PAPLN: variants seen among roughly 807,000 people sequenced by gnomAD.
PAPLN encodes papilin.
In PAPLN, 146 loss-of-function variants were observed where a neutral mutation model predicts 159.0. That is an observed-to-expected ratio of 0.92 (90% CI 0.80 to 1.05). The LOEUF (loss-of-function observed/expected upper bound fraction) is 1.05, where lower values mean the gene tolerates loss of function less well. Among genes scored for constraint, PAPLN ranks in the 50% least tolerant of loss-of-function variants. The probability of loss-of-function intolerance (pLI) is 0.00; values close to 1 mark genes in which losing one functional copy is unlikely to be tolerated. For synonymous variants in PAPLN, 734 were observed against 702.9 expected (o/e 1.04, Z -0.70); for missense variants, 1,720 against 1,743.9 (o/e 0.99, Z 0.24).
Position 73,265,602 on chromosome 14 carries a change from C to T in PAPLN, c.3263+95C>T. On this transcript the variant is annotated intron_variant, in intron 23 of 26. Transcript: ENST00000644200. This position sits in a 1 kb window ranked among gnomAD's most constrained non-coding sequence, Gnocchi z 4.1. ...GGGAAGGGAGCTGCTAGCGCATGGT[C>T]ATGGCCAGTCCTGAGCCGGACTCCA... is the stretch of plus-strand genomic sequence containing the variant. 6.5e-7 allele frequency: 1 copy of T among 1,534,074 alleles called. No individual in the cohort carries two copies. Among genetic ancestry groups the T allele is most frequent in the Non-Finnish European group, 8.8e-7 (1 of 1,135,432 alleles).
chr14:73,257,082 C>T (rs1489024874), intron 14 of PAPLN, among the ~76,000 whole-genome samples: 1 of 152,090 alleles, frequency 6.6e-6, no homozygotes, highest in Non-Finnish European at 1.5e-5. Flanking sequence ...AGGGCTCCTC[C>T]CACATCAGCC....
Position 73,252,061 on chromosome 14 carries a change from ACCTGCC to A in PAPLN, c.893_898del (p.Pro298_Leu299del). The A allele has an allele frequency of 6.2e-7, 1 of 1,611,844 alleles. No homozygotes were observed. The highest frequency in any genetic ancestry group is 8.5e-7 in the Non-Finnish European group (1 of 1,179,474). On this transcript the variant is annotated inframe_deletion, in exon 10 of 27. Transcript: ENST00000644200. ...AACCCCGGTGTGCACTATGAGTACC[ACCTGCC>A]CCTGCGCCGCCCCAGCCCCGGCTTC...
chr14:73,255,397 C>A (rs1163061272), intron 14 of PAPLN, among the ~76,000 whole-genome samples: 1 of 152,196 alleles, frequency 6.6e-6, no homozygotes, highest in East Asian at 1.9e-4. Context: ...TCTTTATACC[C>A]CCATAGAACT....
At chr14:73,268,874 C>A in intron 26 of PAPLN, 151 bp downstream of exon 26, 2 of 933,206 alleles carry the variant, frequency 2.1e-6, no homozygotes, top group Non-Finnish European at 3.1e-6. Flanking sequence ...AAGGGGCTTA[C>A]CTTCCTGAGC....
intron 14 of PAPLN, among the ~76,000 whole-genome samples, chr14:73,257,753 CTTTTTTTTTTTTTTTT>C (rs562890068): frequency 6.6e-5 from 6 of 91,240 alleles, no homozygotes; most frequent in African/African-American, 2.4e-4. Flanking sequence ...TCTCTTTCTT[CTTTTTTTTTTTTTTTT>C]TTTTTTTTTT....
rs1407026173 is a variant in PAPLN at position 73,252,159 on chromosome 14, C to T, written c.967+18C>T. On this transcript the variant is annotated intron_variant, in intron 10 of 26. Coordinates refer to ENST00000644200, the MANE Select transcript of PAPLN (RefSeq NM_001365906.3). ...TGGCGGAGGTGCGGGCGTGGATGGCCCAGGGGAGGGCATGGGCCCTGTGTG... is the reference window on the plus strand; with the variant it reads ...TGGCGGAGGTGCGGGCGTGGATGGCTCAGGGGAGGGCATGGGCCCTGTGTG... 1.9e-6 allele frequency: 3 copies of T among 1,581,120 alleles called. No individual in the cohort carries two copies. In the East Asian group the frequency reaches 6.8e-5, roughly 36 times the overall value.
At position 73,248,247 on chromosome 14, in the gene PAPLN, C is replaced by CTG. The variant is rs1555361205; in HGVS notation, c.335-1736_335-1735insGT. ...TGGCCCAGTGGGAGTCTCATATCCT[C>CTG]TATGTGTGTGTGTGTGTGTGTGTGT... is the stretch of plus-strand genomic sequence containing the variant. On this transcript the variant is annotated intron_variant, in intron 5 of 26. Transcript: ENST00000644200. 1.6e-4 allele frequency among the ~76,000 whole-genome samples: 13 copies of CTG among 80,038 alleles called. 1 individual carries two copies. The highest frequency in any genetic ancestry group is 4.1e-4 in the African/African-American group (9 of 21,718). 52.5% of individuals were successfully genotyped at this position (80,038 alleles called of 152,430 possible).
Position 73,273,589 on chromosome 14 carries a change from C to T in PAPLN, c.*925C>T, listed in dbSNP as rs1383486291. ...AGAGGTGTGAGCCACTGTGCCCAGCCCATCAATGTGTTTTAAAGCTAGCTG... is the reference window on the plus strand; with the variant it reads ...AGAGGTGTGAGCCACTGTGCCCAGCTCATCAATGTGTTTTAAAGCTAGCTG... On this transcript the variant is annotated 3_prime_UTR_variant, in exon 27 of 27. Coordinates refer to ENST00000644200, the MANE Select transcript of PAPLN (RefSeq NM_001365906.3). The T allele has an allele frequency of 2.6e-5, 4 of 152,194 alleles. No individual in the cohort carries two copies. The highest frequency in any genetic ancestry group is 2.6e-4 in the Admixed American group (4 of 15,282). 9.4% of individuals were successfully genotyped at this position (152,194 alleles called of 1,614,324 possible).
chr14:73,260,922 G>A (rs1390751484), intron 17 of PAPLN, 93 bp downstream of exon 17: 16 of 1,460,732 alleles, frequency 1.1e-5, no homozygotes, highest in East Asian at 4.8e-5. Flanking sequence ...CTTTGGCCTC[G>A]GAGAAAGGAG....
In PAPLN at chr14:73,250,168, G is replaced by A. The variant is rs945789646; in HGVS notation, c.465+54G>A. 29 of 1,523,102 alleles carry A rather than the reference G, an allele frequency of 1.9e-5. No homozygotes were observed. The East Asian group carries it at 3.1e-4, about 16-fold the overall frequency. 94.3% of individuals were successfully genotyped at this position (1,523,102 alleles called of 1,614,324 possible). On this transcript the variant is annotated intron_variant, in intron 6 of 26. Coordinates refer to ENST00000644200, the MANE Select transcript of PAPLN (RefSeq NM_001365906.3). ...TCCGGGCTGCCTGGGGGCTCAGTGC[G>A]GGTGTTTCCCTGTCCATCACCCATA...
In PAPLN at chr14:73,246,397, ATTTTTTTTTTTTTT is replaced by A. The variant is rs531973214; in HGVS notation, c.334+238_334+251del. ...AGGCGTGAGCCACTGTACCCGACCAATTTTTTTTTTTTTTTTTTTTTTTTTTTTTGGGTGGGCGC... is the reference window on the plus strand; with the variant it reads ...AGGCGTGAGCCACTGTACCCGACCAATTTTTTTTTTTTTTTGGGTGGGCGC... On this transcript the variant is annotated intron_variant, in intron 5 of 26. Transcript: ENST00000644200. Among the ~76,000 whole-genome samples, 395 of 84,652 alleles carry A rather than the reference ATTTTTTTTTTTTTT, an allele frequency of 4.7e-3. 3 individuals are homozygous for A. Among genetic ancestry groups the A allele is most frequent in the African/African-American group, 0.017 (382 of 22,668 alleles). The allele number at this position is 84,652 out of a possible 152,430, so 55.5% of individuals were successfully genotyped here.
At position 73,245,771 on chromosome 14, in the gene PAPLN, C is replaced by G. The variant is rs1425992803; in HGVS notation, c.231+75C>G. 2 of 1,502,704 alleles carry G rather than the reference C, an allele frequency of 1.3e-6. No homozygotes were observed. Among genetic ancestry groups the G allele is most frequent in the African/African-American group, 2.8e-5 (2 of 72,492 alleles). The allele number at this position is 1,502,704 out of a possible 1,614,324, so 93.1% of individuals were successfully genotyped here. A position where few individuals can be genotyped will look rare whatever the true frequency, so the allele number is the denominator to read the frequency against. On this transcript the variant is annotated intron_variant, in intron 4 of 26. Coordinates refer to ENST00000644200, the MANE Select transcript of PAPLN (RefSeq NM_001365906.3). The surrounding 1 kb of genome is among the most constrained non-coding windows in gnomAD (Gnocchi z 4.2). ...TGGCCGATTTCCCCATTGGGATGCCCGCTCCTGGCCGCGGGCTGCTGGGTT... is the reference window on the plus strand; with the variant it reads ...TGGCCGATTTCCCCATTGGGATGCCGGCTCCTGGCCGCGGGCTGCTGGGTT...
intron 12 of PAPLN, 132 bp downstream of exon 12, chr14:73,254,093 G>A (rs1380396548): frequency 9.5e-7 from 1 of 1,054,588 alleles, no homozygotes; most frequent in African/African-American, 1.6e-5. Flanking sequence ...CTTGGAAGCT[G>A]TGGCCAAGGC....
Position 73,268,706 on chromosome 14 carries a change from T to C in PAPLN, c.3650T>C (p.Val1217Ala), listed in dbSNP as rs2140311041. 1 of 1,612,054 alleles carries C rather than the reference T, an allele frequency of 6.2e-7. No homozygotes were observed. The highest frequency in any genetic ancestry group is 2.2e-5 in the East Asian group (1 of 44,732). The change falls in exon 26 of 27, where the codon GTG (valine) becomes GCG (alanine). Residue 1217 changes from valine to alanine, a missense_variant. Physicochemically the swap from Val to Ala is moderately conservative, Grantham distance 64. Coordinates refer to ENST00000644200, the MANE Select transcript of PAPLN (RefSeq NM_001365906.3). ...GSQAVSRSTE[V>A]KVVSPAPTAQ... is the part of the protein sequence containing the mutation. ...CAGGCAGTCAGCCGCAGCACCGAGG[T>C]GAAGGTGGTCTCACCAGGTAGGAAA...
At chr14:73,254,397 C>T (rs1247469291) in intron 12 of PAPLN, 116 bp from the exon 13 acceptor site, 1 of 1,294,786 alleles carries the variant, frequency 7.7e-7, no homozygotes, top group Non-Finnish European at 1.1e-6. Context: ...CTGGGAAGGA[C>T]ATGGGCAGTT....
chr14:73,263,238 A>G, intron 19 of PAPLN: 2 of 326,682 alleles, frequency 6.1e-6, no homozygotes, highest in Non-Finnish European at 1.1e-5. Flanking sequence ...TCTGGTCAAG[A>G]TGACTCCTGG....
chr14:73,254,718 C>T lies in PAPLN; in HGVS notation c.1485+23C>T, dbSNP rs1336040655. 2.5e-6 allele frequency: 4 copies of T among 1,608,450 alleles called. No homozygotes were observed. In the African/African-American group the frequency reaches 5.3e-5, roughly 21 times the overall value. On this transcript the variant is annotated intron_variant, in intron 13 of 26. Transcript: ENST00000644200. ...CTAGTGAGTGCTCTCCACCCCCACACCTGCTGCCTGACCCTGGTCTCTGGC... is the reference window on the plus strand; with the variant it reads ...CTAGTGAGTGCTCTCCACCCCCACATCTGCTGCCTGACCCTGGTCTCTGGC...
rs1372819945 is a variant in PAPLN, at chr14:73,251,484, A to G, written c.590-2A>G. 1 of 1,605,174 alleles carries G rather than the reference A, an allele frequency of 6.2e-7. No individual in the cohort carries two copies. ...ACCCAGCACCTGCGTCTCTGCCCCC[A>G]GGCTACAACCAGATCCTCATAGTTC... On this transcript the variant is annotated splice_acceptor_variant, in intron 7 of 26. Transcript: ENST00000644200. LOFTEE classifies it high-confidence loss of function.
At chr14:73,252,500 T>A in intron 10 of PAPLN, 149 bp from the exon 11 acceptor site, 1 of 1,066,584 alleles carries the variant, frequency 9.4e-7, no homozygotes, top group South Asian at 1.8e-5. Context: ...ATCTGCCAAT[T>A]GGAGATGTGG....
Sources: gnomAD v4.1 joint callset for allele counts (sites outside exome capture counted in the v4.1 genomes callset) on GRCh38, gnomAD v4.1.1 for gene constraint, Gnocchi (gnomAD v3.1) non-coding constraint, MANE v1.5 for transcripts, NCBI Gene and HGNC (gene_info 2026-07-23, HGNC 2026-07-21) for gene names.